PYM1: variants seen among roughly 807,000 people sequenced by gnomAD.
The protein encoded by PYM1 is PYM1 exon junction complex associated factor, also known as partner of Y14 and mago.
In PYM1, 7 loss-of-function variants were observed where a neutral mutation model predicts 20.7. The observed-to-expected ratio is 0.34, with a 90% CI of 0.19 to 0.64. The LOEUF (loss-of-function observed/expected upper bound fraction) is 0.64. Ranked by LOEUF, PYM1 falls within the 30% of genes least tolerant of loss-of-function variation. PYM1 has a pLI of 0.74. For missense variants in PYM1, 194 were observed against 250.0 expected (o/e 0.78, Z 1.51); for synonymous variants, 100 against 99.2 (o/e 1.01, Z -0.05).
rs1240677300 is a variant in PYM1 at position 55,903,338 on chromosome 12, T to C, written c.131+49A>G. 5.8e-6 allele frequency: 9 copies of C among 1,549,798 alleles called. No individual in the cohort carries two copies. The South Asian group carries it at 1.0e-4, about 17-fold the overall frequency. On this transcript the variant is annotated intron_variant, in intron 2 of 2. Transcript: ENST00000408946. ...TGTAGGCATAAGGATATTCTATCCT[T>C]CTGTAGGGACCCCATCAGAAAACCC...
At chr12:55,914,241 A>G in intron 1 of PYM1, 1 of 699,422 alleles carries the variant, frequency 1.4e-6, no homozygotes, top group Non-Finnish European at 2.6e-6. Context: ...GGAAGCCCTC[A>G]GAGATACAAA....
At chr12:55,917,817 G>A (rs1001653036) in intron 1 of PYM1, among the ~76,000 whole-genome samples, 3 of 151,930 alleles carry the variant, frequency 2.0e-5, no homozygotes, top group Non-Finnish European at 2.9e-5. Context: ...AAACTCAGCC[G>A]GTCATGGTGG....
chr12:55,910,319 C>T (rs1425865254), intron 1 of PYM1, among the ~76,000 whole-genome samples: 2 of 150,990 alleles, frequency 1.3e-5, no homozygotes, highest in African/African-American at 4.9e-5. Flanking sequence ...CTCACTCTGT[C>T]TCTCAGGCTG....
chr12:55,904,013 G>A (rs954190473), intron 1 of PYM1, among the ~76,000 whole-genome samples: 1 of 152,016 alleles, frequency 6.6e-6, no homozygotes, highest in Non-Finnish European at 1.5e-5. Context: ...CTGTCACCAA[G>A]GCTGGAGTGC....
In PYM1 at chr12:55,905,863, A is replaced by ATATATATATCTATTAGATATATATATTAT. The variant is rs1565714402; in HGVS notation, c.38-2412_38-2384dup. ...TAGATATATATATTATATATTAGAT[A>ATATATATATCTATTAGATATATATATTAT]TATATATATCTATTAGATATATATA... On this transcript the variant is annotated intron_variant, in intron 1 of 2. Coordinates refer to ENST00000408946, the MANE Select transcript of PYM1 (RefSeq NM_032345.3). Among the ~76,000 whole-genome samples, 291 of 42,040 alleles carry ATATATATATCTATTAGATATATATATTAT rather than the reference A, an allele frequency of 6.9e-3. 61 individuals are homozygous for ATATATATATCTATTAGATATATATATTAT. The highest frequency in any genetic ancestry group is 0.015 in the South Asian group (28 of 1,850). 27.6% of individuals were successfully genotyped at this position (42,040 alleles called of 152,430 possible).
chr12:55,906,035 T>C (rs1206950409), intron 1 of PYM1, among the ~76,000 whole-genome samples: 2 of 146,592 alleles, frequency 1.4e-5, no homozygotes, highest in Admixed American at 1.4e-4. Flanking sequence ...ACCTAAGTGT[T>C]TGAATTTTAT....
Position 55,901,730 on chromosome 12 carries a change from C to T in PYM1, c.*142G>A. Reference sequence around the variant, plus strand: ...GAAGGATTGAGGGAGACGCTAGGCTCTGGAGGACAGAGCTGGGCCGCAGGA... The same window carrying T: ...GAAGGATTGAGGGAGACGCTAGGCTTTGGAGGACAGAGCTGGGCCGCAGGA... On this transcript the variant is annotated 3_prime_UTR_variant, in exon 3 of 3. Transcript: ENST00000408946. The T allele has an allele frequency of 8.1e-7, 1 of 1,227,876 alleles. No individual in the cohort carries two copies. Among genetic ancestry groups the T allele is most frequent in the Non-Finnish European group, 1.1e-6 (1 of 889,400 alleles). 76.1% of individuals were successfully genotyped at this position (1,227,876 alleles called of 1,614,324 possible).
chr12:55,917,591 A>G (rs1883029422), intron 1 of PYM1, among the ~76,000 whole-genome samples: 1 of 152,170 alleles, frequency 6.6e-6, no homozygotes, highest in African/African-American at 2.4e-5. Context: ...AGTAGGAGCT[A>G]AACACTGGGT....
At chr12:55,913,607 AGACTT>A (rs1882960135) in intron 1 of PYM1, 1 of 152,244 alleles carries the variant, frequency 6.6e-6, no homozygotes, top group Non-Finnish European at 1.5e-5. Context: ...CAATGTGAAA[AGACTT>A]GACTTCGATG....
intron 1 of PYM1, among the ~76,000 whole-genome samples, chr12:55,922,040 GT>G (rs984135385): frequency 6.6e-6 from 1 of 151,476 alleles, no homozygotes; most frequent in Non-Finnish European, 1.5e-5. Flanking sequence ...TACCCAGCTC[GT>G]TTTTTTTTTA....
chr12:55,901,750 G>A lies in PYM1; in HGVS notation c.*122C>T, dbSNP rs924697118. ...AGGCTCTGGAGGACAGAGCTGGGCC[G>A]CAGGAGGTGGAAGTAAGCCAGTATG... On this transcript the variant is annotated 3_prime_UTR_variant, in exon 3 of 3. Transcript: ENST00000408946. The A allele has an allele frequency of 1.5e-6, 2 of 1,304,226 alleles. No homozygotes were observed. The highest frequency in any genetic ancestry group is 1.9e-5 in the African/African-American group (1 of 53,120). The allele number at this position is 1,304,226 out of a possible 1,614,324, so 80.8% of individuals were successfully genotyped here.
Position 55,902,062 on chromosome 12 carries a change from G to T in PYM1, c.425C>A (p.Pro142His), listed in dbSNP as rs775390019. The T allele has an allele frequency of 6.2e-7, 1 of 1,614,134 alleles. No homozygotes were observed. Reference sequence around the variant, plus strand: ...TTTCTCAGTGGTGGCAGCTGAGTCAGGCTGGTCAGATGCAGCTGTGGGGGC... The same window carrying T: ...TTTCTCAGTGGTGGCAGCTGAGTCATGCTGGTCAGATGCAGCTGTGGGGGC... The part of the protein sequence containing the change: ...RAAPTAASDQ[P>H]DSAATTEKAK... Residue 142 changes from proline to histidine, a missense_variant, in exon 3 of 3, where the codon CCT (proline) becomes CAT (histidine). Physicochemically the swap from Pro to His is moderately conservative, Grantham distance 77. Around this residue, in one of 3 missense-constraint regions of PYM1, gnomAD observed 158 missense variants for 179.0 expected, o/e 0.88. Coordinates refer to ENST00000408946, the MANE Select transcript of PYM1 (RefSeq NM_032345.3).
intron 1 of PYM1, among the ~76,000 whole-genome samples, chr12:55,918,067 C>CTTTAT (rs1883037584): frequency 6.6e-6 from 1 of 151,944 alleles, no homozygotes; most frequent in Non-Finnish European, 1.5e-5. Flanking sequence ...CATAATTATA[C>CTTTAT]CCATGTAACA....
At chr12:55,907,814 C>G (rs571663755) in intron 1 of PYM1, among the ~76,000 whole-genome samples, 6 of 151,132 alleles carry the variant, frequency 4.0e-5, no homozygotes, top group African/African-American at 1.2e-4. Flanking sequence ...TGGCAAGTGC[C>G]TGTAGTCTCA....
chr12:55,920,948 C>G (rs1883088391), intron 1 of PYM1, among the ~76,000 whole-genome samples: 1 of 152,076 alleles, frequency 6.6e-6, no homozygotes, highest in South Asian at 2.1e-4. Context: ...AAGATATATG[C>G]CATATATAAC....
intron 1 of PYM1, among the ~76,000 whole-genome samples, chr12:55,907,415 A>G (rs1882839175): frequency 1.3e-5 from 2 of 148,498 alleles, no homozygotes; most frequent in South Asian, 4.3e-4. Context: ...CCTGGACAAC[A>G]TGGTGAAACC....
rs770960966 is a variant in PYM1, at chr12:55,907,463, CAAAAAA to C, written c.38-3989_38-3984del. ...ACAAAACCCTGTCTCTACATAAATA[CAAAAAA>C]AAAAAAAAAAAAAAATTAGCCGGGC... On this transcript the variant is annotated intron_variant, in intron 1 of 2. Transcript: ENST00000408946. Among the ~76,000 whole-genome samples, 51 of 51,988 alleles carry C rather than the reference CAAAAAA, an allele frequency of 9.8e-4. 2 individuals carry two copies. The highest frequency in any genetic ancestry group is 9.5e-3 in the East Asian group (17 of 1,790). 34.1% of individuals were successfully genotyped at this position (51,988 alleles called of 152,430 possible).
intron 1 of PYM1, chr12:55,927,043 G>A (rs1259597020): frequency 1.3e-6 from 2 of 1,496,820 alleles, no homozygotes; most frequent in East Asian, 2.5e-5. Context: ...CCGAGAGCCC[G>A]GAGAGAAGCG....
chr12:55,905,956 ATATC>A lies in PYM1; in HGVS notation c.38-2480_38-2477del, dbSNP rs1255598120. Among the ~76,000 whole-genome samples the A allele has an allele frequency of 1.2e-4, 15 of 128,898 alleles. 1 individual carries two copies. Among genetic ancestry groups the A allele is most frequent in the African/African-American group, 4.9e-4 (15 of 30,570 alleles). 84.6% of individuals were successfully genotyped at this position (128,898 alleles called of 152,430 possible). On this transcript the variant is annotated intron_variant, in intron 1 of 2. Coordinates refer to ENST00000408946, the MANE Select transcript of PYM1 (RefSeq NM_032345.3). ...CTAATAGATATATATATTATTATAT[ATATC>A]TAATAGATATATATATTATTATATA...
Sources: allele counts gnomAD v4.1 joint callset (sites outside exome capture counted in the v4.1 genomes callset), GRCh38; gene constraint gnomAD v4.1.1; regional missense constraint gnomAD v4.1.1; transcripts MANE v1.5; gene names NCBI Gene and HGNC (gene_info 2026-07-23, HGNC 2026-07-21).